The following LAMC1 variants were observed in gnomAD, a reference collection of about 807,000 sequenced individuals.
LAMC1 encodes the protein laminin subunit gamma 1.
LAMC1 carries 38 observed loss-of-function variants against 173.6 expected under a neutral mutation model. The ratio of observed to expected loss-of-function variants is 0.22; its 90% CI spans 0.17 to 0.29. The LOEUF (loss-of-function observed/expected upper bound fraction) is 0.29, where lower values mean the gene tolerates loss of function less well. Ranked by LOEUF, LAMC1 falls within the 10% of genes least tolerant of loss-of-function variation. The pLI is 1.00. For synonymous variants in LAMC1, 746 were observed against 749.1 expected (o/e 1.00, Z 0.07); for missense variants, 1,824 against 2,051.8 (o/e 0.89, Z 2.14).
chr1:183,098,944 A>T (rs1655761926), intron 1 of LAMC1, among the ~76,000 whole-genome samples: 1 of 152,160 alleles, frequency 6.6e-6, no homozygotes, highest in African/African-American at 2.4e-5. Context: ...CTATCAGAAA[A>T]CAAAAAAGAA....
At chr1:183,052,167 G>T (rs1340106394) in intron 1 of LAMC1, among the ~76,000 whole-genome samples, 8 of 152,036 alleles carry the variant, frequency 5.3e-5, no homozygotes, top group Non-Finnish European at 1.0e-4. Context: ...CTGTTTTGTT[G>T]CATGTGTTGG....
intron 1 of LAMC1, among the ~76,000 whole-genome samples, chr1:183,054,261 G>A (rs1415411428): frequency 3.3e-5 from 5 of 152,180 alleles, no homozygotes; most frequent in Non-Finnish European, 5.9e-5. Context: ...AACCCAGTGC[G>A]GATGGAGCAC....
At position 183,115,603 on chromosome 1, in the gene LAMC1, C is replaced by G; in HGVS notation, c.1294C>G (p.Pro432Ala). The change falls in exon 6 of 28, where the codon CCT becomes GCT. Residue 432 changes from proline (P) to alanine (A), a missense_variant. Transcript: ENST00000258341. ...GGGGGACAAATGTGACCGTTGCCAG[C>G]CTGGATTCCATTCTCTCACTGAAGC... Reference protein sequence around the residue: ...VMGDKCDRCQPGFHSLTEAGC... With the variant: ...VMGDKCDRCQAGFHSLTEAGC... The G allele has an allele frequency of 6.2e-7, 1 of 1,613,726 alleles. No homozygotes were observed. The highest frequency in any genetic ancestry group is 8.5e-7 in the Non-Finnish European group (1 of 1,179,650).
chr1:183,087,285 A>T (rs748287012), intron 1 of LAMC1, among the ~76,000 whole-genome samples: 2 of 152,330 alleles, frequency 1.3e-5, no homozygotes, highest in South Asian at 2.1e-4. Flanking sequence ...TCGTTCTTCT[A>T]TTGGGTTGCT....
intron 1 of LAMC1, among the ~76,000 whole-genome samples, chr1:183,079,232 G>GTTTTTTTTTT (rs796732672): frequency 3.2e-5 from 2 of 62,840 alleles, no homozygotes; most frequent in Non-Finnish European, 6.1e-5. Context: ...CTCTAATCTG[G>GTTTTTTTTTT]TTTTTTTTTT....
At position 183,072,402 on chromosome 1, in the gene LAMC1, A is replaced by G. The variant is rs916701854; in HGVS notation, c.419-30926A>G. ...CTGCTTCCTTAGAGGCCAGCTTCATAGAGAGCCCTCTTTCCTCAGATTTTC... is the reference window on the plus strand; with the variant it reads ...CTGCTTCCTTAGAGGCCAGCTTCATGGAGAGCCCTCTTTCCTCAGATTTTC... On this transcript the variant is annotated intron_variant, in intron 1 of 27. Coordinates refer to ENST00000258341, the MANE Select transcript of LAMC1 (RefSeq NM_002293.4). Among the ~76,000 whole-genome samples, 11 of 152,242 alleles carry G rather than the reference A, an allele frequency of 7.2e-5. No individual in the cohort carries two copies. In the South Asian group the frequency reaches 1.0e-3, roughly 14 times the overall value.
At chr1:183,120,030 A>T (rs1656426448) in intron 11 of LAMC1, among the ~76,000 whole-genome samples, 1 of 151,874 alleles carries the variant, frequency 6.6e-6, no homozygotes, top group Admixed American at 6.6e-5. Flanking sequence ...TTAGCTGGGC[A>T]TGGTGGCACA....
At chr1:183,060,232 C>G (rs993514518) in intron 1 of LAMC1, among the ~76,000 whole-genome samples, 1 of 152,096 alleles carries the variant, frequency 6.6e-6, no homozygotes, top group Non-Finnish European at 1.5e-5. Context: ...TGCTGTATCT[C>G]TGGCAGTTCC....
intron 1 of LAMC1, among the ~76,000 whole-genome samples, chr1:183,094,085 C>T (rs1036645638): frequency 2.0e-5 from 3 of 152,190 alleles, no homozygotes; most frequent in East Asian, 1.9e-4. Context: ...TTGGCATTCC[C>T]TCCTCCTCTC....
chr1:183,087,475 A>T (rs1655460634), intron 1 of LAMC1, among the ~76,000 whole-genome samples: 1 of 152,240 alleles, frequency 6.6e-6, no homozygotes, highest in South Asian at 2.1e-4. Flanking sequence ...CCAGGTACTG[A>T]TAATACCATG....
chr1:183,107,714 C>T (rs1028963789), intron 2 of LAMC1, among the ~76,000 whole-genome samples: 3 of 152,096 alleles, frequency 2.0e-5, no homozygotes, highest in Admixed American at 6.5e-5. Flanking sequence ...CCTGTAGTCC[C>T]AGCTACTCGG....
intron 1 of LAMC1, among the ~76,000 whole-genome samples, chr1:183,044,701 A>G (rs1464741265): frequency 3.3e-5 from 5 of 152,146 alleles, no homozygotes; most frequent in Non-Finnish European, 7.4e-5. Flanking sequence ...GACAGTAGTA[A>G]TAGAAGACCT....
chr1:183,119,897 G>A (rs1006391580), intron 11 of LAMC1, among the ~76,000 whole-genome samples: 3 of 152,064 alleles, frequency 2.0e-5, no homozygotes, highest in Admixed American at 6.6e-5. Context: ...CTGTCCAGGC[G>A]TGGTAACTCA....
intron 1 of LAMC1, among the ~76,000 whole-genome samples, chr1:183,086,589 T>C (rs893479949): frequency 1.3e-5 from 2 of 152,256 alleles, no homozygotes; most frequent in African/African-American, 4.8e-5. Flanking sequence ...ATCTTTTTTC[T>C]TCCAAAGATG....
chr1:183,074,498 T>C (rs1316357302), intron 1 of LAMC1, among the ~76,000 whole-genome samples: 1 of 152,200 alleles, frequency 6.6e-6, no homozygotes, highest in Admixed American at 6.5e-5. Context: ...GGTCTAAAGC[T>C]GGCACTGTCA....
At chr1:183,127,159 G>C (rs1397585574) in intron 16 of LAMC1, 67 bp from the exon 17 acceptor site, 3 of 1,457,232 alleles carry the variant, frequency 2.1e-6, no homozygotes, top group African/African-American at 1.4e-5. Flanking sequence ...ATTGTTATCA[G>C]TCTGAATTAA....
intron 1 of LAMC1, among the ~76,000 whole-genome samples, chr1:183,052,044 C>T (rs961103065): frequency 6.6e-6 from 1 of 152,130 alleles, no homozygotes; most frequent in Non-Finnish European, 1.5e-5. Context: ...TCTGCTTGTT[C>T]ATCTGATAAA....
chr1:183,136,672 C>T, intron 25 of LAMC1, 87 bp downstream of exon 25: 2 of 1,178,772 alleles, frequency 1.7e-6, no homozygotes, highest in Non-Finnish European at 1.2e-6. Flanking sequence ...AGAGCCCTTG[C>T]AGATTTTTTT....
intron 1 of LAMC1, among the ~76,000 whole-genome samples, chr1:183,027,740 AT>A (rs1653726881): frequency 6.6e-6 from 1 of 152,204 alleles, no homozygotes; most frequent in Admixed American, 6.5e-5. Context: ...AGAATAATTG[AT>A]ATATAAGGCT....
Sources: gnomAD v4.1 joint callset for allele counts (sites outside exome capture counted in the v4.1 genomes callset) on GRCh38, gnomAD v4.1.1 for gene constraint, MANE v1.5 for transcripts, NCBI Gene and HGNC (gene_info 2026-07-23, HGNC 2026-07-21) for gene names.